The following TBC1D2B variants were observed in gnomAD, a reference collection of about 807,000 sequenced individuals.
The protein encoded by TBC1D2B is TBC1 domain family member 2B.
A neutral mutation model predicts 100.8 loss-of-function variants in TBC1D2B; 64 were observed. That is an observed-to-expected ratio of 0.64 (90% CI 0.52 to 0.78). TBC1D2B has a LOEUF of 0.78. Ranked by LOEUF, TBC1D2B falls within the 30% of genes least tolerant of loss-of-function variation. The pLI is 0.00. For synonymous variants in TBC1D2B, 480 were observed against 479.7 expected (o/e 1.00, Z -0.01); for missense variants, 1,052 against 1,218.4 (o/e 0.86, Z 2.03).
intron 9 of TBC1D2B, among the ~76,000 whole-genome samples, chr15:78,010,260 G>A (rs1421008707): frequency 6.6e-6 from 1 of 152,146 alleles, no homozygotes; most frequent in African/African-American, 2.4e-5. Context: ...GTTCATAACG[G>A]AAACTGGGGT....
At chr15:78,046,636 G>T (rs190038583) in intron 2 of TBC1D2B, among the ~76,000 whole-genome samples, 61 of 151,682 alleles carry the variant, frequency 4.0e-4, no homozygotes, top group African/African-American at 1.4e-3. Flanking sequence ...GCTAATTTTT[G>T]TATTTTTTTT....
Position 78,025,387 on chromosome 15 carries a change from G to T in TBC1D2B, c.958C>A (p.Pro320Thr), listed in dbSNP as rs901809431. Residue 320 changes from proline (P) to threonine (T), a missense_variant, in exon 5 of 13, where the codon CCT becomes ACT. Coordinates refer to ENST00000300584, the MANE Select transcript of TBC1D2B (RefSeq NM_144572.2). Reference protein sequence around the residue: ...SYKNRHSSGDPSSEGTSGSGS... With the variant: ...SYKNRHSSGDTSSEGTSGSGS... ...CTGCCTGATGTGCCTTCACTTGAAG[G>T]GTCACCACTGCTGTGACGATTTTTG... is the stretch of plus-strand genomic sequence containing the variant. 1.9e-6 allele frequency: 3 copies of T among 1,613,832 alleles called. No homozygotes were observed. Among genetic ancestry groups the T allele is most frequent in the Non-Finnish European group, 2.5e-6 (3 of 1,179,850 alleles).
chr15:78,016,465 T>C, intron 8 of TBC1D2B, 81 bp downstream of exon 8: 2 of 1,337,322 alleles, frequency 1.5e-6, no homozygotes, highest in South Asian at 2.6e-5. Context: ...TGTGTACGGC[T>C]CTCTGCGAAT....
chr15:78,056,242 G>C (rs893543707), intron 1 of TBC1D2B, among the ~76,000 whole-genome samples: 8 of 152,220 alleles, frequency 5.3e-5, no homozygotes. Context: ...ATTCCAGGGA[G>C]AGAGAGAAGT....
intron 12 of TBC1D2B, 104 bp downstream of exon 12, chr15:78,001,514 CG>C: frequency 7.3e-7 from 1 of 1,374,752 alleles, no homozygotes. Flanking sequence ...CACTGTACAC[CG>C]GGGATGGCTC....
chr15:77,996,026 G>A lies in TBC1D2B; in HGVS notation c.*2134C>T, dbSNP rs2071743907. ...CCGTCCCGTTCCCAAACTTTAACCA[G>A]GCGGAGCCGCCCTCTCTTGCCTTCT... On this transcript the variant is annotated 3_prime_UTR_variant, in exon 13 of 13. Coordinates refer to ENST00000300584, the MANE Select transcript of TBC1D2B (RefSeq NM_144572.2). 1 of 151,458 alleles carries A rather than the reference G, an allele frequency of 6.6e-6. No homozygotes were observed. The highest frequency in any genetic ancestry group is 2.4e-5 in the African/African-American group (1 of 41,252). The allele number at this position is 151,458 out of a possible 1,614,324, so 9.4% of individuals were successfully genotyped here.
intron 1 of TBC1D2B, among the ~76,000 whole-genome samples, chr15:78,058,679 C>T (rs735663): frequency 0.069 from 10,443 of 152,270 alleles, 451 homozygotes; most frequent in East Asian, 0.24. Flanking sequence ...ACCAAAGACA[C>T]GCCCGCCGGA....
At chr15:78,038,963 G>A (rs1206825117) in intron 3 of TBC1D2B, among the ~76,000 whole-genome samples, 1 of 152,168 alleles carries the variant, frequency 6.6e-6, no homozygotes, top group African/African-American at 2.4e-5. Context: ...TCATGCTCCT[G>A]GGGGCTATCA....
intron 3 of TBC1D2B, among the ~76,000 whole-genome samples, chr15:78,031,870 C>A (rs971411845): frequency 2.0e-5 from 3 of 152,212 alleles, no homozygotes; most frequent in African/African-American, 7.2e-5. Context: ...GACACTGATC[C>A]TGAGAGAGGG....
At chr15:78,047,857 G>A (rs1218675741) in intron 2 of TBC1D2B, among the ~76,000 whole-genome samples, 1 of 152,202 alleles carries the variant, frequency 6.6e-6, no homozygotes, top group East Asian at 1.9e-4. Flanking sequence ...TCAGTCTACA[G>A]GCACATGGGG....
intron 1 of TBC1D2B, among the ~76,000 whole-genome samples, chr15:78,073,622 G>T (rs1420317265): frequency 6.6e-6 from 1 of 152,104 alleles, no homozygotes; most frequent in South Asian, 2.1e-4. Context: ...ACACCATAAA[G>T]ATTTTACTCC....
chr15:78,051,711 T>C (rs1163682604), intron 2 of TBC1D2B, among the ~76,000 whole-genome samples: 1 of 152,246 alleles, frequency 6.6e-6, no homozygotes, highest in East Asian at 1.9e-4. Context: ...TCTTTAATTC[T>C]TACTAGAGTA....
Position 78,003,283 on chromosome 15 carries a change from TAGCTG to T in TBC1D2B, c.2574+17_2574+21del, listed in dbSNP as rs1196754905. ...GTTGTCAAGTGTGTATATCTGAAAA[TAGCTG>T]AGCTGAGCTAACTCACCTTTGGTCC... On this transcript the variant is annotated intron_variant, in intron 11 of 12. Transcript: ENST00000300584. 6.2e-7 allele frequency: 1 copy of T among 1,608,424 alleles called. No homozygotes were observed. Among genetic ancestry groups the T allele is most frequent in the African/African-American group, 1.3e-5 (1 of 74,766 alleles).
chr15:78,020,683 C>T (rs926042633), intron 6 of TBC1D2B, among the ~76,000 whole-genome samples: 3 of 152,208 alleles, frequency 2.0e-5, no homozygotes, highest in Admixed American at 6.5e-5. Context: ...CATCACCCCA[C>T]GCTGTTCCAC....
intron 10 of TBC1D2B, among the ~76,000 whole-genome samples, chr15:78,004,461 C>T (rs1276027621): frequency 6.6e-6 from 1 of 152,180 alleles, no homozygotes; most frequent in African/African-American, 2.4e-5. Flanking sequence ...CCACAGACAC[C>T]CCTGCGTCAC....
chr15:78,005,143 C>T (rs1157368676), intron 10 of TBC1D2B, among the ~76,000 whole-genome samples: 1 of 152,204 alleles, frequency 6.6e-6, no homozygotes, highest in Non-Finnish European at 1.5e-5. Context: ...AGGAGGCAGA[C>T]TGTGCCTCAC....
At chr15:78,072,866 A>G (rs1448937378) in intron 1 of TBC1D2B, among the ~76,000 whole-genome samples, 1 of 152,206 alleles carries the variant, frequency 6.6e-6, no homozygotes, top group Non-Finnish European at 1.5e-5. Context: ...AGGAAGCATC[A>G]GCCTCTGCTA....
At chr15:78,033,937 T>C (rs894936986) in intron 3 of TBC1D2B, among the ~76,000 whole-genome samples, 7 of 152,234 alleles carry the variant, frequency 4.6e-5, no homozygotes, top group African/African-American at 1.7e-4. Context: ...TATCACAGTA[T>C]ATGGATGTAT....
chr15:78,048,477 T>A (rs577607705), intron 2 of TBC1D2B, among the ~76,000 whole-genome samples: 13 of 152,246 alleles, frequency 8.5e-5, no homozygotes, highest in Non-Finnish European at 1.5e-5. Context: ...CTAGTGTTCA[T>A]GAACATGTCT....
Sources: allele counts gnomAD v4.1 joint callset (sites outside exome capture counted in the v4.1 genomes callset), GRCh38; gene constraint gnomAD v4.1.1; transcripts MANE v1.5; gene names NCBI Gene and HGNC (gene_info 2026-07-23, HGNC 2026-07-21).